The following CSRNP3 variants were observed in gnomAD, a reference collection of about 807,000 sequenced individuals.
The protein encoded by CSRNP3 is cysteine and serine rich nuclear protein 3, also known as cysteine/serine-rich nuclear protein 3.
In CSRNP3, 12 loss-of-function variants were observed where a neutral mutation model predicts 48.0. The ratio of observed to expected loss-of-function variants is 0.25; its 90% CI spans 0.16 to 0.41. The LOEUF (loss-of-function observed/expected upper bound fraction) is 0.41, where lower values mean the gene tolerates loss of function less well. CSRNP3 is among the 10% of genes least tolerant of loss of function. The pLI is 1.00. For synonymous variants in CSRNP3, 263 were observed against 269.7 expected, an observed-to-expected ratio of 0.98 and a Z score of 0.24; for missense variants, 580 against 724.4, an observed-to-expected ratio of 0.80 and a Z score of 2.29.
intron 1 of CSRNP3, among the ~76,000 whole-genome samples, chr2:165,477,520 T>TATATATATATATATATATA (rs1558911089): frequency 6.9e-6 from 1 of 144,900 alleles, no homozygotes; most frequent in African/African-American, 2.5e-5. Context: ...TATATATATA[T>TATATATATATATATATATA]TAGCCAGGTG....
intron 4 of CSRNP3, among the ~76,000 whole-genome samples, chr2:165,607,310 A>G (rs1340166673): frequency 6.6e-6 from 1 of 152,166 alleles, no homozygotes; most frequent in Non-Finnish European, 1.5e-5. Flanking sequence ...CATATTAGAA[A>G]CTTCCAGGCC....
chr2:165,669,292 T>G lies in CSRNP3; in HGVS notation c.409-7020T>G, dbSNP rs557927973. Among the ~76,000 whole-genome samples, 7 of 152,368 alleles carry G rather than the reference T, an allele frequency of 4.6e-5. No individual in the cohort carries two copies. In the East Asian group the frequency reaches 1.3e-3, roughly 29 times the overall value. On this transcript the variant is annotated intron_variant, in intron 5 of 6. Coordinates refer to ENST00000651982, the MANE Select transcript of CSRNP3 (RefSeq NM_001172173.2). ...AAGAAGTGTTTTTATTTTTGTTTTTTGTTTTATTTTGTTTTGCCCTGGCAT... is the reference window on the plus strand; with the variant it reads ...AAGAAGTGTTTTTATTTTTGTTTTTGGTTTTATTTTGTTTTGCCCTGGCAT...
At position 165,595,054 on chromosome 2, in the gene CSRNP3, A is replaced by G. The variant is rs751460443; in HGVS notation, c.-12A>G. The G allele has an allele frequency of 1.2e-6, 2 of 1,613,922 alleles. No individual in the cohort carries two copies. The highest frequency in any genetic ancestry group is 1.7e-6 in the Non-Finnish European group (2 of 1,179,910). ...CCTTCCTGTTACAGGTACATGTGAC[A>G]GCACTGCAGCGATGAGTGGAATTTT... On this transcript the variant is annotated 5_prime_UTR_variant, in exon 4 of 7. Transcript: ENST00000651982.
At chr2:165,626,049 C>A (rs367607497) in intron 4 of CSRNP3, among the ~76,000 whole-genome samples, 30 of 151,638 alleles carry the variant, frequency 2.0e-4, no homozygotes, top group African/African-American at 7.0e-4. Flanking sequence ...CTGGTGAAAC[C>A]CTGTCTCTCC....
intron 6 of CSRNP3, among the ~76,000 whole-genome samples, chr2:165,677,025 A>G (rs777779018): frequency 1.3e-5 from 2 of 152,178 alleles, no homozygotes; most frequent in African/African-American, 2.4e-5. Flanking sequence ...GATTAGTGGA[A>G]AAATTACTAG....
chr2:165,664,568 G>C (rs929999755), intron 5 of CSRNP3, among the ~76,000 whole-genome samples: 2 of 152,148 alleles, frequency 1.3e-5, no homozygotes, highest in Non-Finnish European at 2.9e-5. Context: ...ATATGTTTCT[G>C]TTCTGCAGGA....
At chr2:165,613,697 C>G (rs1410319227) in intron 4 of CSRNP3, among the ~76,000 whole-genome samples, 1 of 152,078 alleles carries the variant, frequency 6.6e-6, no homozygotes, top group Admixed American at 6.5e-5. Flanking sequence ...CTGTTGAAAA[C>G]AGGTTGGCTG....
At chr2:165,616,205 T>C (rs908503855) in intron 4 of CSRNP3, among the ~76,000 whole-genome samples, 16 of 152,226 alleles carry the variant, frequency 1.1e-4, no homozygotes, top group African/African-American at 3.9e-4. Context: ...CTTAATCCTA[T>C]CATTTTGTAA....
At chr2:165,496,359 C>G (rs1684283667) in intron 2 of CSRNP3, among the ~76,000 whole-genome samples, 1 of 152,020 alleles carries the variant, frequency 6.6e-6, no homozygotes. Flanking sequence ...ACACCTCCCT[C>G]CAAGTGACTG....
intron 3 of CSRNP3, among the ~76,000 whole-genome samples, chr2:165,548,813 C>G (rs888420375): frequency 6.6e-6 from 1 of 151,788 alleles, no homozygotes; most frequent in Non-Finnish European, 1.5e-5. Context: ...GTTGTGGACT[C>G]GATAGTCTTT....
At chr2:165,507,011 A>G (rs2105223640) in intron 2 of CSRNP3, among the ~76,000 whole-genome samples, 1 of 152,322 alleles carries the variant, frequency 6.6e-6, no homozygotes, top group Non-Finnish European at 1.5e-5. Flanking sequence ...GTTCATAAAC[A>G]TGAAAAAAAG....
chr2:165,673,603 A>C (rs1687367406), intron 5 of CSRNP3, among the ~76,000 whole-genome samples: 1 of 152,172 alleles, frequency 6.6e-6, no homozygotes, highest in Non-Finnish European at 1.5e-5. Context: ...CTTAGGCACG[A>C]ATTGGTTATT....
chr2:165,662,071 G>C (rs143491586), intron 5 of CSRNP3, among the ~76,000 whole-genome samples: 1 of 145,320 alleles, frequency 6.9e-6, no homozygotes, highest in African/African-American at 2.6e-5. Context: ...ATGAGAAAAA[G>C]AAATACATGC....
In CSRNP3 at chr2:165,679,608, C is replaced by T. The variant is rs1477884843; in HGVS notation, c.1613C>T (p.Pro538Leu). ...GAATTTCACTCATACTTGAAAGGCCCCTCCCAAGAAGGGTTTGTCTCTGCA... is the reference window on the plus strand; with the variant it reads ...GAATTTCACTCATACTTGAAAGGCCTCTCCCAAGAAGGGTTTGTCTCTGCA... ...QVEFHSYLKGPSQEGFVSALN... is the reference protein window; with the variant it reads ...QVEFHSYLKGLSQEGFVSALN... The change falls in exon 7 of 7, where the codon CCC becomes CTC. Residue 538 changes from proline to leucine, a missense_variant. Physicochemically the swap from Pro to Leu is moderately conservative, Grantham distance 98. Coordinates refer to ENST00000651982, the MANE Select transcript of CSRNP3 (RefSeq NM_001172173.2). The T allele has an allele frequency of 1.2e-5, 19 of 1,614,060 alleles. No individual in the cohort carries two copies. Among genetic ancestry groups the T allele is most frequent in the Non-Finnish European group, 1.5e-5 (18 of 1,179,990 alleles).
At chr2:165,526,865 T>C (rs1684738467) in intron 3 of CSRNP3, among the ~76,000 whole-genome samples, 1 of 152,202 alleles carries the variant, frequency 6.6e-6, no homozygotes, top group Non-Finnish European at 1.5e-5. Context: ...CTGTTTGTCA[T>C]TATGTATCAT....
chr2:165,594,731 T>C (rs527760824), intron 3 of CSRNP3, among the ~76,000 whole-genome samples: 1 of 152,328 alleles, frequency 6.6e-6, no homozygotes, highest in South Asian at 2.1e-4. Context: ...TATTTTTCTT[T>C]ACAGATTTTC....
At chr2:165,651,870 G>A (rs1686916676) in intron 4 of CSRNP3, among the ~76,000 whole-genome samples, 1 of 151,942 alleles carries the variant, frequency 6.6e-6, no homozygotes, top group African/African-American at 2.4e-5. Flanking sequence ...TGGCCAGGCT[G>A]GTGTTGAACT....
intron 5 of CSRNP3, among the ~76,000 whole-genome samples, chr2:165,663,261 A>G (rs1278335683): frequency 1.3e-5 from 2 of 152,166 alleles, no homozygotes; most frequent in Non-Finnish European, 2.9e-5. Flanking sequence ...CCATACTCTG[A>G]TTCTTTATTA....
rs200637688 is a variant in CSRNP3, at chr2:165,679,771, G to A, written c.*18G>A. ...CTGTTTAGTAGCTTAAATTATTCTA[G>A]GACCAACTCTTCTCTTATTTAAGGC... On this transcript the variant is annotated 3_prime_UTR_variant, in exon 7 of 7. Coordinates refer to ENST00000651982, the MANE Select transcript of CSRNP3 (RefSeq NM_001172173.2). 2.3e-4 allele frequency: 365 copies of A among 1,597,442 alleles called. No individual in the cohort carries two copies. The highest frequency in any genetic ancestry group is 2.7e-4 in the Non-Finnish European group (320 of 1,170,288).
Sources: gnomAD v4.1 joint callset for allele counts (sites outside exome capture counted in the v4.1 genomes callset) on GRCh38, gnomAD v4.1.1 for gene constraint, MANE v1.5 for transcripts, NCBI Gene and HGNC (gene_info 2026-07-23, HGNC 2026-07-21) for gene names.